Variants in MAP4K3 observed in about 807,000 individuals in gnomAD.
MAP4K3 encodes mitogen-activated protein kinase kinase kinase kinase 3, also known as MAPK/ERK kinase kinase kinase 3.
A neutral mutation model predicts 143.5 loss-of-function variants in MAP4K3; 94 were observed. The observed-to-expected ratio is 0.65, with a 90% CI of 0.55 to 0.78. The LOEUF is 0.78. Among genes scored for constraint, MAP4K3 ranks in the 30% least tolerant of loss-of-function variants. The probability of loss-of-function intolerance (pLI) is 0.00; values close to 1 mark genes in which losing one functional copy is unlikely to be tolerated. For missense variants in MAP4K3, 1,077 were observed against 1,068.1 expected (o/e 1.01, Z -0.12); for synonymous variants, 416 against 347.2 (o/e 1.20, Z -2.20).
chr2:39,305,694 C>T (rs930911483), intron 15 of MAP4K3, among the ~76,000 whole-genome samples: 18 of 152,140 alleles, frequency 1.2e-4, no homozygotes, highest in Non-Finnish European at 2.6e-4. Flanking sequence ...CTCCCCTGTA[C>T]CACAGGAAAC....
At chr2:39,392,319 AT>A (rs1206393154) in intron 1 of MAP4K3, among the ~76,000 whole-genome samples, 1 of 152,194 alleles carries the variant, frequency 6.6e-6, no homozygotes, top group East Asian at 1.9e-4. Flanking sequence ...TGAAAAATGC[AT>A]ATTTTTTAAT....
At chr2:39,258,120 C>T (rs1233512671) in intron 31 of MAP4K3, among the ~76,000 whole-genome samples, 4 of 151,990 alleles carry the variant, frequency 2.6e-5, no homozygotes, top group African/African-American at 4.8e-5. Context: ...TTAGTAGACA[C>T]GGGGTTTCAC....
intron 1 of MAP4K3, among the ~76,000 whole-genome samples, chr2:39,417,957 C>T (rs1667430208): frequency 6.6e-6 from 1 of 152,100 alleles, no homozygotes; most frequent in African/African-American, 2.4e-5. Context: ...AATCTGAGCA[C>T]TTTGGGAGGC....
intron 13 of MAP4K3, among the ~76,000 whole-genome samples, chr2:39,314,412 C>A (rs769269563): frequency 7.2e-5 from 11 of 152,168 alleles, no homozygotes; most frequent in Non-Finnish European, 1.5e-4. Context: ...GAAATGCTCT[C>A]ACATGCTAAG....
intron 15 of MAP4K3, 117 bp from the exon 16 acceptor site, chr2:39,299,918 T>C: frequency 5.1e-6 from 2 of 392,892 alleles, no homozygotes; most frequent in Admixed American, 4.5e-5. Context: ...CAAATAAATC[T>C]GTATTGCTAT....
chr2:39,423,059 A>T (rs1664935950), intron 1 of MAP4K3, among the ~76,000 whole-genome samples: 1 of 152,228 alleles, frequency 6.6e-6, no homozygotes, highest in East Asian at 1.9e-4. Flanking sequence ...AAATATACAA[A>T]GAACTCTTTA....
chr2:39,291,968 C>T (rs1398265410), intron 18 of MAP4K3, among the ~76,000 whole-genome samples: 1 of 151,876 alleles, frequency 6.6e-6, no homozygotes, highest in Admixed American at 6.6e-5. Flanking sequence ...TAACTTTACC[C>T]AAGATCAACC....
chr2:39,285,268 A>G (rs920209434), intron 21 of MAP4K3, among the ~76,000 whole-genome samples: 1 of 152,230 alleles, frequency 6.6e-6, no homozygotes, highest in African/African-American at 2.4e-5. Context: ...AGCCATGGAC[A>G]TATTTATTTC....
At chr2:39,379,852 G>A (rs1184993369) in intron 1 of MAP4K3, 1 of 167,694 alleles carries the variant, frequency 6.0e-6, no homozygotes, top group Non-Finnish European at 1.5e-5. Flanking sequence ...TGTTACCAAT[G>A]ACCACAGGAG....
intron 20 of MAP4K3, among the ~76,000 whole-genome samples, chr2:39,287,354 C>T (rs779692594): frequency 6.6e-5 from 10 of 150,770 alleles, no homozygotes; most frequent in South Asian, 2.1e-4. Context: ...AGTGCAATGG[C>T]GTGATCTTGG....
chr2:39,301,884 C>T (rs911193466), intron 15 of MAP4K3, among the ~76,000 whole-genome samples: 2 of 151,880 alleles, frequency 1.3e-5, no homozygotes, highest in Non-Finnish European at 2.9e-5. Context: ...ATTAGCTGGG[C>T]GTGGTGGCTC....
At chr2:39,343,047 T>C (rs976956563) in intron 4 of MAP4K3, among the ~76,000 whole-genome samples, 1 of 152,208 alleles carries the variant, frequency 6.6e-6, no homozygotes, top group Non-Finnish European at 1.5e-5. Flanking sequence ...TAAATTATCT[T>C]TGTATTATCA....
intron 2 of MAP4K3, among the ~76,000 whole-genome samples, chr2:39,359,187 A>G (rs1665695396): frequency 6.6e-6 from 1 of 152,232 alleles, no homozygotes; most frequent in East Asian, 1.9e-4. Flanking sequence ...GAAACTGGCC[A>G]AAACAAAGGG....
intron 2 of MAP4K3, among the ~76,000 whole-genome samples, chr2:39,374,888 A>T (rs533485533): frequency 1.9e-4 from 29 of 152,106 alleles, no homozygotes; most frequent in Non-Finnish European, 3.2e-4. Context: ...CTAGACAGAA[A>T]TTCTTAAAAT....
chr2:39,381,129 T>C (rs1350709346), intron 1 of MAP4K3, among the ~76,000 whole-genome samples: 3 of 152,232 alleles, frequency 2.0e-5, no homozygotes, highest in Admixed American at 2.0e-4. Flanking sequence ...GACTCATCCA[T>C]GTCTCAAACT....
intron 1 of MAP4K3, among the ~76,000 whole-genome samples, chr2:39,381,623 A>C (rs934804154): frequency 6.6e-6 from 1 of 152,130 alleles, no homozygotes; most frequent in Non-Finnish European, 1.5e-5. Context: ...AGTTTTCTTA[A>C]ATTTACGTCT....
intron 1 of MAP4K3, among the ~76,000 whole-genome samples, chr2:39,435,492 C>T (rs779770956): frequency 3.3e-5 from 5 of 152,202 alleles, no homozygotes; most frequent in Non-Finnish European, 7.3e-5. Context: ...CCCTAAGCAA[C>T]GCCTAATCAT....
chr2:39,395,004 G>C (rs554214526), intron 1 of MAP4K3, among the ~76,000 whole-genome samples: 1 of 151,840 alleles, frequency 6.6e-6, no homozygotes, highest in Non-Finnish European at 1.5e-5. Flanking sequence ...AATGGAACAA[G>C]AGAATGATTC....
At chr2:39,262,630 A>G (rs1680613784) in intron 28 of MAP4K3, among the ~76,000 whole-genome samples, 1 of 152,222 alleles carries the variant, frequency 6.6e-6, no homozygotes, top group Non-Finnish European at 1.5e-5. Context: ...AATTTGTATA[A>G]GTCATTAACA....
Sources: gnomAD v4.1 joint callset for allele counts (sites outside exome capture counted in the v4.1 genomes callset) on GRCh38, gnomAD v4.1.1 for gene constraint, MANE v1.5 for transcripts, NCBI Gene and HGNC (gene_info 2026-07-23, HGNC 2026-07-21) for gene names.